MAD1L1: variants seen among roughly 807,000 people sequenced by gnomAD.
MAD1L1 encodes mitotic arrest deficient 1 like 1, also known as mitotic spindle assembly checkpoint protein MAD1.
MAD1L1 carries 95 observed loss-of-function variants against 96.9 expected under a neutral mutation model. That is an observed-to-expected ratio of 0.98 (90% CI 0.83 to 1.16). MAD1L1 has a LOEUF of 1.16. Ranked by LOEUF, MAD1L1 falls within the 50% of genes most tolerant of loss-of-function variation. MAD1L1 has a pLI of 0.00. For synonymous variants in MAD1L1, 473 were observed against 396.6 expected (o/e 1.19, Z -2.29); for missense variants, 1,007 against 954.4 (o/e 1.06, Z -0.73).
chr7:1,980,528 A>G lies in MAD1L1; in HGVS notation c.1430T>C (p.Leu477Pro). The change falls in exon 15 of 19, where the codon CTG becomes CCG. Residue 477 changes from leucine (L) to proline (P), a missense_variant. Transcript: ENST00000265854. ...KQRADMLEME[L>P]KMLKSQSSSA... ...GCTGGACTGAGACTTCAGCATCTTC[A>G]GCTCCATCTCCAGCTAGGAGAAAGC... 6.2e-7 allele frequency: 1 copy of G among 1,609,226 alleles called. No individual in the cohort carries two copies. The highest frequency in any genetic ancestry group is 8.5e-7 in the Non-Finnish European group (1 of 1,179,170).
intron 10 of MAD1L1, among the ~76,000 whole-genome samples, chr7:2,170,682 C>T (rs1451606293): frequency 6.6e-6 from 1 of 152,078 alleles, no homozygotes; most frequent in Non-Finnish European, 1.5e-5. Flanking sequence ...AAGCCAGGGA[C>T]GGTAAGGTGG....
chr7:2,078,650 T>C (rs530467622), intron 11 of MAD1L1, among the ~76,000 whole-genome samples: 8 of 152,318 alleles, frequency 5.3e-5, no homozygotes, highest in Non-Finnish European at 1.2e-4. Context: ...CCGAGCAGCT[T>C]TCGGCTGCAG....
At chr7:1,879,765 C>G (rs538964235) in intron 18 of MAD1L1, among the ~76,000 whole-genome samples, 7 of 152,308 alleles carry the variant, frequency 4.6e-5, no homozygotes, top group African/African-American at 1.7e-4. Flanking sequence ...GAGTCTCACT[C>G]TGTCGCCCAA....
chr7:1,976,586 G>C (rs535530860), intron 15 of MAD1L1, among the ~76,000 whole-genome samples: 2 of 152,358 alleles, frequency 1.3e-5, no homozygotes, highest in African/African-American at 4.8e-5. Flanking sequence ...AAAGAACAAA[G>C]CTCCCACAGC....
chr7:1,885,037 G>A (rs754385115), intron 18 of MAD1L1, among the ~76,000 whole-genome samples: 1 of 152,206 alleles, frequency 6.6e-6, no homozygotes, highest in Non-Finnish European at 1.5e-5. Context: ...ACATGTGAAT[G>A]GTGAGCACAC....
rs193017586 is a variant in MAD1L1 at position 2,151,055 on chromosome 7, C to T, written c.987-1817G>A. 3.6e-4 allele frequency among the ~76,000 whole-genome samples: 55 copies of T among 152,352 alleles called. 1 individual carries two copies. In the East Asian group the frequency reaches 5.8e-3, roughly 16 times the overall value. On this transcript the variant is annotated intron_variant, in intron 10 of 18. Coordinates refer to ENST00000265854, the MANE Select transcript of MAD1L1 (RefSeq NM_001013836.2). Reference sequence around the variant, plus strand: ...GATGAAAGGTGCAGCTGCCCTTGAACGCCGTGACCATTCTCTCCAGTTTCC... The same window carrying T: ...GATGAAAGGTGCAGCTGCCCTTGAATGCCGTGACCATTCTCTCCAGTTTCC...
At chr7:1,869,668 C>T (rs962929222) in intron 18 of MAD1L1, among the ~76,000 whole-genome samples, 2 of 152,158 alleles carry the variant, frequency 1.3e-5, no homozygotes, top group Non-Finnish European at 2.9e-5. Flanking sequence ...AATTAGCCTG[C>T]GTCGGTAATG....
intron 18 of MAD1L1, chr7:1,816,864 TGAGCTGCCCCC>T (rs1781835392): frequency 6.6e-6 from 1 of 151,816 alleles, no homozygotes; most frequent in South Asian, 2.1e-4. Context: ...GAGGCCCTTC[TGAGCTGCCCCC>T]GAGAGCCAGC....
chr7:1,971,027 CAGTA>C (rs1562571839), intron 15 of MAD1L1, among the ~76,000 whole-genome samples: 3 of 152,196 alleles, frequency 2.0e-5, no homozygotes, highest in Non-Finnish European at 2.9e-5. Context: ...AGTTAGAATT[CAGTA>C]GTGTGGAGAT....
chr7:2,136,343 G>T (rs1788750650), intron 11 of MAD1L1, among the ~76,000 whole-genome samples: 1 of 152,170 alleles, frequency 6.6e-6, no homozygotes, highest in Non-Finnish European at 1.5e-5. Context: ...AGGCTGAGTG[G>T]CTCCACAACC....
chr7:1,925,372 T>C (rs766456588), intron 17 of MAD1L1, among the ~76,000 whole-genome samples: 8 of 152,206 alleles, frequency 5.3e-5, no homozygotes, highest in Non-Finnish European at 1.2e-4. Context: ...TCCTAGTCTA[T>C]TGGCGGCGCT....
intron 10 of MAD1L1, among the ~76,000 whole-genome samples, chr7:2,182,592 G>A (rs1274086866): frequency 6.6e-6 from 1 of 152,216 alleles, no homozygotes; most frequent in Non-Finnish European, 1.5e-5. Flanking sequence ...TCACTGAAAT[G>A]AGCTCTGATG....
At chr7:1,962,906 C>T (rs1168957100) in intron 15 of MAD1L1, among the ~76,000 whole-genome samples, 1 of 152,102 alleles carries the variant, frequency 6.6e-6, no homozygotes, top group African/African-American at 2.4e-5. Context: ...ATGATCCCAC[C>T]ACTGCACTCC....
chr7:2,149,178 C>T lies in MAD1L1; in HGVS notation c.1047G>A (p.Lys349=). Residue 349 remains lysine, a synonymous_variant, in exon 11 of 19, where the codon AAG becomes AAA. Coordinates refer to ENST00000265854, the MANE Select transcript of MAD1L1 (RefSeq NM_001013836.2). ...TGCTGGTGACGGCGCTGTTCTTGTC[C>T]TTCAAGGCAAGCTCCCTCTGCTGCA... is the stretch of plus-strand genomic sequence containing the variant. ...VELQQRELAL[K]DKNSAVTSSA... The T allele has an allele frequency of 6.2e-7, 1 of 1,614,156 alleles. No homozygotes were observed. The highest frequency in any genetic ancestry group is 8.5e-7 in the Non-Finnish European group (1 of 1,180,030).
intron 10 of MAD1L1, among the ~76,000 whole-genome samples, chr7:2,205,251 G>A (rs368047020): frequency 1.3e-5 from 2 of 152,070 alleles, no homozygotes; most frequent in African/African-American, 4.8e-5. Flanking sequence ...CTAAAGAACA[G>A]GCACGGGTAA....
At chr7:1,852,630 CAA>C (rs1055706723) in intron 18 of MAD1L1, among the ~76,000 whole-genome samples, 2 of 152,060 alleles carry the variant, frequency 1.3e-5, no homozygotes, top group African/African-American at 4.8e-5. Flanking sequence ...TGTTTATTTC[CAA>C]AGAGACTTTG....
chr7:1,966,163 G>T (rs1780158109), intron 15 of MAD1L1, among the ~76,000 whole-genome samples: 1 of 152,276 alleles, frequency 6.6e-6, no homozygotes, highest in Non-Finnish European at 1.5e-5. Flanking sequence ...CCTGAACTGG[G>T]ATGGGAACCG....
In MAD1L1 at chr7:2,142,639, C is replaced by A. The variant is rs888436476; in HGVS notation, c.1073+6513G>T. Among the ~76,000 whole-genome samples the A allele has an allele frequency of 2.0e-5, 3 of 152,260 alleles. No individual in the cohort carries two copies. The highest frequency in any genetic ancestry group is 7.2e-5 in the African/African-American group (3 of 41,466). ...CATGGCAGGCTGCCACCGTGGAATA[C>A]ATGGAGACAGCCCATTAGACTCAGG... On this transcript the variant is annotated intron_variant, in intron 11 of 18. Transcript: ENST00000265854. The surrounding 1 kb of genome is among the most constrained non-coding windows in gnomAD (Gnocchi z 4.7).
At chr7:2,032,930 G>T (rs1783295040) in intron 12 of MAD1L1, among the ~76,000 whole-genome samples, 1 of 152,252 alleles carries the variant, frequency 6.6e-6, no homozygotes, top group African/African-American at 2.4e-5. Flanking sequence ...GGGCAGGGGG[G>T]CAAGGCGCCC....
Sources: gnomAD v4.1 joint callset for allele counts (sites outside exome capture counted in the v4.1 genomes callset) on GRCh38, gnomAD v4.1.1 for gene constraint, Gnocchi (gnomAD v3.1) non-coding constraint, MANE v1.5 for transcripts, NCBI Gene and HGNC (gene_info 2026-07-23, HGNC 2026-07-21) for gene names.